TRERF1: variants seen among roughly 807,000 people sequenced by gnomAD.
TRERF1 encodes the protein transcriptional regulating factor 1.
Under a neutral mutation model 122.9 loss-of-function variants are expected in TRERF1, and 27 were observed. The ratio of observed to expected loss-of-function variants is 0.22; its 90% CI spans 0.16 to 0.30. The LOEUF (loss-of-function observed/expected upper bound fraction) is 0.30. Among genes scored for constraint, TRERF1 ranks in the 10% least tolerant of loss-of-function variants. TRERF1 has a pLI of 1.00. For synonymous variants in TRERF1, 636 were observed against 641.7 expected, an observed-to-expected ratio of 0.99 and a Z score of 0.13; for missense variants, 1,248 against 1,560.3, an observed-to-expected ratio of 0.80 and a Z score of 3.37.
At chr6:42,400,718 C>G (rs939020015) in intron 2 of TRERF1, among the ~76,000 whole-genome samples, 1 of 152,122 alleles carries the variant, frequency 6.6e-6, no homozygotes, top group Non-Finnish European at 1.5e-5. Context: ...GGAGAAGACA[C>G]CAGCAATAAA....
intron 13 of TRERF1, among the ~76,000 whole-genome samples, chr6:42,252,109 C>T (rs1428645995): frequency 1.3e-5 from 2 of 152,144 alleles, no homozygotes; most frequent in Admixed American, 6.5e-5. Context: ...GGGGGTTGAG[C>T]GCCAGAAGCC....
intron 4 of TRERF1, among the ~76,000 whole-genome samples, chr6:42,284,940 T>C (rs1310305203): frequency 1.3e-5 from 2 of 152,144 alleles, no homozygotes; most frequent in East Asian, 1.9e-4. Flanking sequence ...GCAGGCACTC[T>C]GAAAACATTT....
chr6:42,347,912 A>G (rs1768630518), intron 3 of TRERF1, among the ~76,000 whole-genome samples: 1 of 152,254 alleles, frequency 6.6e-6, no homozygotes, highest in South Asian at 2.1e-4. Context: ...AGCATTTTCC[A>G]GGCAGGAAGA....
chr6:42,440,434 G>T (rs1281387009), intron 2 of TRERF1, among the ~76,000 whole-genome samples: 1 of 152,150 alleles, frequency 6.6e-6, no homozygotes, highest in East Asian at 1.9e-4. Flanking sequence ...GTGTGAAGTG[G>T]ACATCACATC....
chr6:42,320,162 GT>G, intron 3 of TRERF1, among the ~76,000 whole-genome samples: 1 of 152,116 alleles, frequency 6.6e-6, no homozygotes, highest in Non-Finnish European at 1.5e-5. Flanking sequence ...GCCTCCCAAA[GT>G]ACTGGGATTA....
rs12196561 is a variant in TRERF1 at position 42,419,248 on chromosome 6, G to A, written c.-454+31929C>T. ...GAAGAAGTTTCTACTTCCCCCCACC[G>A]CCCCACCCCACCCCCCGCCCCGGCT... On this transcript the variant is annotated intron_variant, in intron 2 of 17. Coordinates refer to ENST00000372922, the Ensembl canonical transcript of TRERF1. Among the ~76,000 whole-genome samples the A allele has an allele frequency of 6.4e-3, 437 of 67,964 alleles. 2 individuals carry two copies. Among genetic ancestry groups the A allele is most frequent in the Non-Finnish European group, 0.011 (339 of 31,368 alleles). 44.6% of individuals were successfully genotyped at this position (67,964 alleles called of 152,430 possible).
chr6:42,268,194 GGCCCCAT>G lies in TRERF1; in HGVS notation c.1390_1396del (p.Met464LeufsTer47). 1 of 1,469,466 alleles carries G rather than the reference GGCCCCAT, an allele frequency of 6.8e-7. No individual in the cohort carries two copies. The highest frequency in any genetic ancestry group is 9.0e-7 in the Non-Finnish European group (1 of 1,109,666). 91.0% of individuals were successfully genotyped at this position (1,469,466 alleles called of 1,614,324 possible). A position where few individuals can be genotyped will look rare whatever the true frequency, so the allele number is the denominator to read the frequency against. ...ACTGGGAGACAGCTGCTGATGCTGA[GGCCCCAT>G]GTTGTTGAGGTGGATCCCACTGGGG... is the stretch of plus-strand genomic sequence containing the variant. On this transcript the variant is annotated frameshift_variant, in exon 5 of 18. Coordinates refer to ENST00000372922, the Ensembl canonical transcript of TRERF1. LOFTEE classifies it high-confidence loss of function. This position sits in a 1 kb window ranked among gnomAD's most constrained non-coding sequence, Gnocchi z 4.4.
chr6:42,362,889 C>A (rs1018334254), intron 3 of TRERF1, 108 bp downstream of exon 3: 1 of 153,828 alleles, frequency 6.5e-6, no homozygotes, highest in African/African-American at 2.4e-5. Flanking sequence ...CCCAGAGCAG[C>A]CCTCCTCCAC....
chr6:42,246,685 A>T (rs1774861996), intron 13 of TRERF1, 141 bp from the exon 14 acceptor site: 2 of 564,230 alleles, frequency 3.5e-6, no homozygotes, highest in East Asian at 3.3e-5. Context: ...ACAAAAAGAT[A>T]GTGTGATATA....
At chr6:42,436,552 A>T (rs1785395842) in intron 2 of TRERF1, among the ~76,000 whole-genome samples, 1 of 151,828 alleles carries the variant, frequency 6.6e-6, no homozygotes, top group Admixed American at 6.6e-5. Context: ...GTATTGTCTC[A>T]TTTCATTTCA....
chr6:42,389,655 C>A (rs568018768), intron 2 of TRERF1, among the ~76,000 whole-genome samples: 1 of 152,344 alleles, frequency 6.6e-6, no homozygotes, highest in African/African-American at 2.4e-5. Context: ...ACCTATAATG[C>A]CTTCCCTCCC....
At chr6:42,376,968 C>A (rs1380721690) in intron 2 of TRERF1, among the ~76,000 whole-genome samples, 1 of 151,928 alleles carries the variant, frequency 6.6e-6, no homozygotes, top group Non-Finnish European at 1.5e-5. Context: ...CGGGTTCAAG[C>A]GATTCTCCTT....
chr6:42,262,291 T>C (rs1017481233), intron 8 of TRERF1, among the ~76,000 whole-genome samples: 1 of 152,034 alleles, frequency 6.6e-6, no homozygotes, highest in African/African-American at 2.4e-5. Flanking sequence ...TCTCTCCCTC[T>C]ACCCTGGCCC....
At chr6:42,227,992 C>T (rs1769781107) in exon 18 of TRERF1, 1 of 194,746 alleles carries the variant, frequency 5.1e-6, no homozygotes, top group Admixed American at 5.9e-5. Context: ...CACACACACA[C>T]TCACAGCAAG....
intron 2 of TRERF1, among the ~76,000 whole-genome samples, chr6:42,407,505 C>T (rs1238254951): frequency 1.3e-5 from 2 of 152,136 alleles, no homozygotes; most frequent in Non-Finnish European, 2.9e-5. Flanking sequence ...AATGCCTGCT[C>T]AGAAGTCAAG....
At chr6:42,419,676 G>C (rs543435643) in intron 2 of TRERF1, among the ~76,000 whole-genome samples, 1 of 152,266 alleles carries the variant, frequency 6.6e-6, no homozygotes, top group African/African-American at 2.4e-5. Flanking sequence ...CGGATTTGGA[G>C]AATGTCCTAT....
intron 3 of TRERF1, among the ~76,000 whole-genome samples, chr6:42,306,911 C>T (rs952882783): frequency 7.2e-5 from 11 of 152,172 alleles, no homozygotes; most frequent in Non-Finnish European, 1.6e-4. Flanking sequence ...AATGGCCTGG[C>T]ACAGCAGTCA....
At chr6:42,379,956 C>T (rs1479830362) in intron 2 of TRERF1, among the ~76,000 whole-genome samples, 1 of 152,140 alleles carries the variant, frequency 6.6e-6, no homozygotes, top group Non-Finnish European at 1.5e-5. Context: ...TATCTATATG[C>T]CATGCCAGAC....
intron 3 of TRERF1, among the ~76,000 whole-genome samples, chr6:42,314,513 C>A (rs1762171616): frequency 6.6e-6 from 1 of 152,236 alleles, no homozygotes; most frequent in African/African-American, 2.4e-5. Flanking sequence ...TTCTCCGTGA[C>A]TGGCACGCAA....
Sources: allele counts gnomAD v4.1 joint callset (sites outside exome capture counted in the v4.1 genomes callset), GRCh38; gene constraint gnomAD v4.1.1; non-coding constraint Gnocchi (gnomAD v3.1); transcripts MANE v1.5; gene names NCBI Gene and HGNC (gene_info 2026-07-23, HGNC 2026-07-21).